Variants in SNX8 observed in about 807,000 individuals in gnomAD.
SNX8 encodes the protein sorting nexin-8.
Under a neutral mutation model 51.6 loss-of-function variants are expected in SNX8, and 25 were observed. The ratio of observed to expected loss-of-function variants is 0.48; its 90% CI spans 0.35 to 0.68. SNX8 has a LOEUF of 0.68. Among genes scored for constraint, SNX8 ranks in the 30% least tolerant of loss-of-function variants. The pLI, the probability that SNX8 is intolerant of heterozygous loss-of-function variation, is 0.00. For missense variants in SNX8, 695 were observed against 624.0 expected, an observed-to-expected ratio of 1.11 and a Z score of -1.21; for synonymous variants, 324 against 277.0, an observed-to-expected ratio of 1.17 and a Z score of -1.68.
chr7:2,334,641 A>G (rs952771535), intron 1 of SNX8, among the ~76,000 whole-genome samples: 2 of 151,996 alleles, frequency 1.3e-5, no homozygotes, highest in Non-Finnish European at 2.9e-5. Flanking sequence ...CAGAGGTTGC[A>G]GTAAGCTGAG....
At chr7:2,331,819 A>G (rs1778741070) in intron 1 of SNX8, among the ~76,000 whole-genome samples, 1 of 151,840 alleles carries the variant, frequency 6.6e-6, no homozygotes, top group South Asian at 2.1e-4. Context: ...GATGGAGGTT[A>G]AAGTGAGTCA....
In SNX8 at chr7:2,284,978, T is replaced by C. The variant is rs562233791; in HGVS notation, c.95-6673A>G. ...TGTAAATCCCAGCACTTTTGGAGGC[T>C]GAGGTGGGCGGATCACAAGGTCAGG... is the stretch of plus-strand genomic sequence containing the variant. On this transcript the variant is annotated intron_variant, in intron 1 of 10. Coordinates refer to ENST00000222990, the MANE Select transcript of SNX8 (RefSeq NM_013321.4). 1.8e-3 allele frequency among the ~76,000 whole-genome samples: 270 copies of C among 151,904 alleles called. 1 individual carries two copies. The highest frequency in any genetic ancestry group is 5.9e-3 in the African/African-American group (246 of 41,488).
rs185479041 is a variant in SNX8 at position 2,271,738 on chromosome 7, G to A, written c.540+112C>T. On this transcript the variant is annotated intron_variant, in intron 4 of 10. Transcript: ENST00000222990. Reference sequence around the variant, plus strand: ...CTTGTCCATGTCATTCCTGCTGGGCGTCCAAACAAGGGACCAGGAGGATAA... The same window carrying A: ...CTTGTCCATGTCATTCCTGCTGGGCATCCAAACAAGGGACCAGGAGGATAA... 6.1e-5 allele frequency: 75 copies of A among 1,232,734 alleles called. 1 individual carries two copies. The highest frequency in any genetic ancestry group is 4.9e-4 in the African/African-American group (32 of 65,902). 76.4% of individuals were successfully genotyped at this position (1,232,734 alleles called of 1,614,324 possible).
chr7:2,304,186 A>C (rs1796488233), intron 1 of SNX8, among the ~76,000 whole-genome samples: 1 of 141,208 alleles, frequency 7.1e-6, no homozygotes, highest in South Asian at 2.2e-4. Context: ...AAAAAAAGAG[A>C]GTTGGGGATC....
chr7:2,318,962 C>T (rs540682072), upstream of SNX8, among the ~76,000 whole-genome samples: 13 of 152,104 alleles, frequency 8.5e-5, no homozygotes, highest in South Asian at 8.3e-4. Context: ...GAGCTGTGAT[C>T]GCATCACTGC....
intron 1 of SNX8, among the ~76,000 whole-genome samples, chr7:2,295,418 A>T (rs1745867482): frequency 6.7e-6 from 1 of 149,566 alleles, no homozygotes; most frequent in Non-Finnish European, 1.5e-5. Flanking sequence ...AAAAAAAAAA[A>T]AAGAGGCCAG....
chr7:2,290,244 TA>T (rs1796122854), intron 1 of SNX8, among the ~76,000 whole-genome samples: 1 of 152,112 alleles, frequency 6.6e-6, no homozygotes, highest in Non-Finnish European at 1.5e-5. Flanking sequence ...CTCGTACCTG[TA>T]ATCCCAGCAC....
At position 2,257,425 on chromosome 7, in the gene SNX8, G is replaced by A. The variant is rs200222167; in HGVS notation, c.1074C>T (p.Ser358=). ...CCGGCTCGCGGTTCTGCGCGGTGGC[G>A]CTCATCATCTGCCTCTTCATCAGGC... The part of the protein sequence containing the change: ...KYSLMKRQMM[S]ATAQNREPES... Residue 358 remains serine (S), a synonymous_variant, in exon 9 of 11, where the codon AGC becomes AGT. Transcript: ENST00000222990. The A allele has an allele frequency of 3.5e-5, 56 of 1,610,552 alleles. No homozygotes were observed. Among genetic ancestry groups the A allele is most frequent in the Non-Finnish European group, 4.4e-5 (52 of 1,179,402 alleles).
At chr7:2,269,680 C>G in intron 4 of SNX8, 41 bp from the exon 5 acceptor site, 6 of 1,428,592 alleles carry the variant, frequency 4.2e-6, no homozygotes, top group Non-Finnish European at 5.8e-6. Context: ...CTTCTACTAG[C>G]AGCAAGAAAG....
At chr7:2,286,587 G>A (rs1056731369) in intron 1 of SNX8, among the ~76,000 whole-genome samples, 8 of 149,824 alleles carry the variant, frequency 5.3e-5, no homozygotes, top group South Asian at 2.1e-4. Context: ...GCACGATCTC[G>A]GCTCACTGCA....
rs117482081 is a variant in SNX8, at chr7:2,309,784, G to A, written c.94+4544C>T. ...GACAGCGCAATGAATTCTGACCAAC[G>A]TATTCACACAGAGAACAGACCTGAC... On this transcript the variant is annotated intron_variant, in intron 1 of 10. Transcript: ENST00000222990. 8.3e-3 allele frequency: 3,893 copies of A among 470,806 alleles called. 31 individuals carry two copies. Among genetic ancestry groups the A allele is most frequent in the Non-Finnish European group, 0.013 (2,932 of 226,958 alleles). The allele number at this position is 470,806 out of a possible 1,614,324, so 29.2% of individuals were successfully genotyped here.
chr7:2,298,071 A>C (rs1201283982), intron 1 of SNX8, among the ~76,000 whole-genome samples: 1 of 152,046 alleles, frequency 6.6e-6, no homozygotes, highest in African/African-American at 2.4e-5. Context: ...AACACAAAAA[A>C]TGTTAAAGCA....
chr7:2,327,395 A>T (rs1406019623), intron 1 of SNX8, among the ~76,000 whole-genome samples: 1 of 141,850 alleles, frequency 7.0e-6, no homozygotes, highest in Admixed American at 7.2e-5. Flanking sequence ...GCCCACCACC[A>T]TGCCTGGCTA....
chr7:2,348,338 C>CTTTTTTTTTTTTT (rs59761780), intron 1 of SNX8, among the ~76,000 whole-genome samples: 4 of 93,676 alleles, frequency 4.3e-5, no homozygotes, highest in Non-Finnish European at 8.7e-5. Context: ...TTCTTTCTTT[C>CTTTTTTTTTTTTT]TTTTTTTTTT....
At chr7:2,341,708 C>T (rs934036090) in intron 1 of SNX8, among the ~76,000 whole-genome samples, 5 of 152,204 alleles carry the variant, frequency 3.3e-5, no homozygotes, top group Admixed American at 3.3e-4. Context: ...CAAGCATCGG[C>T]CACGCGCAGT....
chr7:2,349,297 T>C (rs1229162213), intron 1 of SNX8, among the ~76,000 whole-genome samples: 1 of 152,094 alleles, frequency 6.6e-6, no homozygotes, highest in Non-Finnish European at 1.5e-5. Flanking sequence ...TTAAAGCATA[T>C]GGTATATTGG....
intron 1 of SNX8, among the ~76,000 whole-genome samples, chr7:2,353,363 G>A (rs1779207215): frequency 6.6e-6 from 1 of 152,128 alleles, no homozygotes; most frequent in Admixed American, 6.5e-5. Flanking sequence ...TCTAGCCTGG[G>A]CAACAGAGCG....
At chr7:2,283,980 A>G (rs981998271) in intron 1 of SNX8, among the ~76,000 whole-genome samples, 1 of 152,216 alleles carries the variant, frequency 6.6e-6, no homozygotes, top group Non-Finnish European at 1.5e-5. Context: ...TTTTTAGGAG[A>G]CATGGGGTTT....
At chr7:2,314,510 C>T, upstream of SNX8, 1 of 1,125,872 alleles carries the variant, frequency 8.9e-7, no homozygotes, top group Non-Finnish European at 1.1e-6. Context: ...CACACCCCGC[C>T]TGGTCACGCC....
Sources: gnomAD v4.1 joint callset for allele counts (sites outside exome capture counted in the v4.1 genomes callset) on GRCh38, gnomAD v4.1.1 for gene constraint, MANE v1.5 for transcripts, NCBI Gene and HGNC (gene_info 2026-07-23, HGNC 2026-07-21) for gene names.